Variants in RFT1 observed in about 807,000 individuals in gnomAD.
The protein encoded by RFT1 is man(5)GlcNAc(2)-PP-dolichol translocation protein RFT1.
RFT1 carries 43 observed loss-of-function variants against 62.2 expected under a neutral mutation model. The ratio of observed to expected loss-of-function variants is 0.69; its 90% CI spans 0.54 to 0.89. The LOEUF is 0.89. Among genes scored for constraint, RFT1 ranks in the 40% least tolerant of loss-of-function variants. The probability of loss-of-function intolerance (pLI) is 0.00; values close to 1 mark genes in which losing one functional copy is unlikely to be tolerated. For synonymous variants in RFT1, 262 were observed against 264.6 expected, an observed-to-expected ratio of 0.99 and a Z score of 0.10; for missense variants, 605 against 649.9, an observed-to-expected ratio of 0.93 and a Z score of 0.75.
intron 7 of RFT1, among the ~76,000 whole-genome samples, chr3:53,110,747 A>G (rs2107132260): frequency 6.6e-6 from 1 of 152,260 alleles, no homozygotes; most frequent in South Asian, 2.1e-4. Flanking sequence ...ACGGGACTAT[A>G]TTTTATAATT....
chr3:53,112,716 C>T (rs9833487), intron 6 of RFT1, among the ~76,000 whole-genome samples: 1 of 152,216 alleles, frequency 6.6e-6, no homozygotes, highest in South Asian at 2.1e-4. Context: ...GAACTTCAGC[C>T]TGGATGACAG....
At chr3:53,116,263 C>T (rs922729920) in intron 6 of RFT1, among the ~76,000 whole-genome samples, 1 of 150,516 alleles carries the variant, frequency 6.6e-6, no homozygotes, top group Non-Finnish European at 1.5e-5. Context: ...TCATACACTG[C>T]GTTCATGCAT....
At chr3:53,087,839 T>C (rs1159461007), downstream of RFT1, among the ~76,000 whole-genome samples, 1 of 152,258 alleles carries the variant, frequency 6.6e-6, no homozygotes, top group Non-Finnish European at 1.5e-5. Context: ...AATTCTTTTT[T>C]CTTTTTTCCT....
chr3:53,123,865 T>C (rs753472333), intron 2 of RFT1, 25 bp from the exon 3 acceptor site: 53 of 1,574,284 alleles, frequency 3.4e-5, no homozygotes, highest in Non-Finnish European at 4.1e-5. Context: ...GAGAAATCAA[T>C]AAGGTCTCAA....
intron 5 of RFT1, among the ~76,000 whole-genome samples, chr3:53,120,873 A>G (rs1701950066): frequency 6.6e-6 from 1 of 152,208 alleles, no homozygotes; most frequent in South Asian, 2.1e-4. Flanking sequence ...ACCATGCCTG[A>G]GACAAAGCCC....
At chr3:53,087,200 G>A (rs1700872959), downstream of RFT1, among the ~76,000 whole-genome samples, 1 of 152,174 alleles carries the variant, frequency 6.6e-6, no homozygotes, top group Non-Finnish European at 1.5e-5. Flanking sequence ...TCGTGCCACT[G>A]CACTCCAGCC....
At chr3:53,109,816 CAAAAACA>C (rs895065944) in intron 7 of RFT1, among the ~76,000 whole-genome samples, 7 of 151,512 alleles carry the variant, frequency 4.6e-5, no homozygotes, top group African/African-American at 1.2e-4. Context: ...ACCCTATCTA[CAAAAACA>C]AAAAACAAAA....
chr3:53,105,815 A>C lies in RFT1; in HGVS notation c.827-12T>G. ...TATATCATACACACCTACAAAACAA[A>C]AAAGAAGAAACAACAATCATGTTGG... On this transcript the variant is annotated splice_polypyrimidine_tract_variant and intron_variant, in intron 8 of 12. Coordinates refer to ENST00000296292, the MANE Select transcript of RFT1 (RefSeq NM_052859.4). 6.2e-7 allele frequency: 1 copy of C among 1,610,384 alleles called. No homozygotes were observed. Among genetic ancestry groups the C allele is most frequent in the Non-Finnish European group, 8.5e-7 (1 of 1,177,954 alleles).
chr3:53,075,819 G>C, the RFT1 span, among the ~76,000 whole-genome samples: 1 of 152,214 alleles, frequency 6.6e-6, no homozygotes, highest in Non-Finnish European at 1.5e-5. Flanking sequence ...CCCGAGATGG[G>C]GGAGACGAGA....
In RFT1 at chr3:53,105,780, G is replaced by A. The variant is rs1199936298; in HGVS notation, c.850C>T (p.Leu284Phe). 6.2e-7 allele frequency: 1 copy of A among 1,613,616 alleles called. No homozygotes were observed. Residue 284 changes from leucine (L) to phenylalanine (F), a missense_variant, in exon 9 of 13, where the codon CTT (leucine) becomes TTT (phenylalanine). Physicochemically the swap from Leu to Phe is conservative, Grantham distance 22 (BLOSUM62 0). Transcript: ENST00000296292. ...DQGVYDIVNNLGSLVARLIFQ... is the reference protein window; with the variant it reads ...DQGVYDIVNNFGSLVARLIFQ... ...ATTAATCTGGCCACAAGGGAGCCAA[G>A]ATTATTCACTATATCATACACACCT...
chr3:53,114,960 T>C (rs374689213), intron 6 of RFT1, among the ~76,000 whole-genome samples: 2 of 152,286 alleles, frequency 1.3e-5, no homozygotes, highest in African/African-American at 2.4e-5. Flanking sequence ...CACTGCCCTC[T>C]GTCACCTCCT....
At chr3:53,098,771 A>C (rs372377155) in intron 11 of RFT1, among the ~76,000 whole-genome samples, 92 of 132,794 alleles carry the variant, frequency 6.9e-4, no homozygotes, top group Admixed American at 2.3e-3. Context: ...CACTGCACTC[A>C]AGCCTGGGCG....
In RFT1 at chr3:53,126,005, A is replaced by G; in HGVS notation, c.64-11T>C. The stretch of plus-strand genomic sequence containing the variant: ...CAACCGAAACAACACCTATAGAAAA[A>G]GAGGAAAAATACGTAAGAATAAATG... On this transcript the variant is annotated splice_polypyrimidine_tract_variant and intron_variant, in intron 1 of 12. Transcript: ENST00000296292. The G allele has an allele frequency of 1.9e-6, 3 of 1,601,680 alleles. No homozygotes were observed. The highest frequency in any genetic ancestry group is 2.2e-5 in the East Asian group (1 of 44,812).
At chr3:53,130,240 A>G in intron 1 of RFT1, 98 bp downstream of exon 1, 1 of 1,228,410 alleles carries the variant, frequency 8.1e-7, no homozygotes, top group South Asian at 1.3e-5. Context: ...CCACCTCGGG[A>G]CTGGGTCGGC....
the RFT1 span, among the ~76,000 whole-genome samples, chr3:53,071,324 G>T: frequency 6.6e-6 from 1 of 152,300 alleles, no homozygotes; most frequent in East Asian, 1.9e-4. Flanking sequence ...GATCCCTATG[G>T]TCACTGAAGC....
Position 53,119,951 on chromosome 3 carries a change from G to C in RFT1, c.629C>G (p.Ser210Ter), listed in dbSNP as rs199903438. The stretch of plus-strand genomic sequence containing the variant: ...GACAGGAAGAGTTTGAAGCTTGGTT[G>C]ATTCTGGGGAACCCAGTAACTTTGT... ...YFTKLLGSPE[S>*]TKLQTLPVSR... Residue 210 changes from serine to a stop codon, truncating the protein, a stop_gained, in exon 6 of 13, where the codon TCA (serine) becomes TGA (stop). Transcript: ENST00000296292. LOFTEE classifies it high-confidence loss of function. 1 of 1,612,814 alleles carries C rather than the reference G, an allele frequency of 6.2e-7. No homozygotes were observed. Among genetic ancestry groups the C allele is most frequent in the Non-Finnish European group, 8.5e-7 (1 of 1,179,326 alleles).
At chr3:53,112,098 C>T (rs1473703831) in intron 6 of RFT1, among the ~76,000 whole-genome samples, 190 bp from the exon 7 acceptor site, 2 of 152,194 alleles carry the variant, frequency 1.3e-5, no homozygotes, top group Non-Finnish European at 2.9e-5. Flanking sequence ...CATTACTAAA[C>T]ACAAAGCCAA....
rs1173009308 is a variant in RFT1, at chr3:53,122,417, G to T, written c.413C>A (p.Pro138His). ...ATGTGCTTGTGCCAAGACCCAAAAGGGCTCTCCTAGAAGCTCCACCACTGC... is the reference window on the plus strand; with the variant it reads ...ATGTGCTTGTGCCAAGACCCAAAAGTGCTCTCCTAGAAGCTCCACCACTGC... ...LSAVVELLGE[P>H]FWVLAQAHMF... Residue 138 changes from proline (P) to histidine (H), a missense_variant, in exon 4 of 13, where the codon CCC becomes CAC. By Grantham distance (77) the Pro-to-His change is moderately conservative (BLOSUM62 -2). Coordinates refer to ENST00000296292, the MANE Select transcript of RFT1 (RefSeq NM_052859.4). 2 of 1,613,838 alleles carry T rather than the reference G, an allele frequency of 1.2e-6. No homozygotes were observed. Among genetic ancestry groups the T allele is most frequent in the East Asian group, 4.5e-5 (2 of 44,862 alleles).
intron 5 of RFT1, 121 bp downstream of exon 5, chr3:53,121,578 G>T: frequency 2.5e-6 from 2 of 799,276 alleles, no homozygotes; most frequent in Non-Finnish European, 4.3e-6. Flanking sequence ...CCCTTCTGGT[G>T]CTTCCACCTC....
Sources: gnomAD v4.1 joint callset for allele counts (sites outside exome capture counted in the v4.1 genomes callset) on GRCh38, gnomAD v4.1.1 for gene constraint, MANE v1.5 for transcripts, NCBI Gene and HGNC (gene_info 2026-07-23, HGNC 2026-07-21) for gene names.